The following SENP7 variants were observed in gnomAD, a reference collection of about 807,000 sequenced individuals.
SENP7 encodes sentrin-specific protease 7.
In SENP7, 64 loss-of-function variants were observed where a neutral mutation model predicts 141.2. The observed-to-expected ratio is 0.45, with a 90% CI of 0.37 to 0.56. SENP7 has a LOEUF of 0.56. Among genes scored for constraint, SENP7 ranks in the 20% least tolerant of loss-of-function variants. The probability of loss-of-function intolerance (pLI) is 0.00; values close to 1 mark genes in which losing one functional copy is unlikely to be tolerated. For synonymous variants in SENP7, 382 were observed against 426.4 expected, an observed-to-expected ratio of 0.90 and a Z score of 1.28; for missense variants, 1,025 against 1,212.2, an observed-to-expected ratio of 0.85 and a Z score of 2.29.
intron 10 of SENP7, among the ~76,000 whole-genome samples, chr3:101,364,072 A>C (rs1280070360): frequency 6.6e-6 from 1 of 152,118 alleles, no homozygotes; most frequent in Non-Finnish European, 1.5e-5. Context: ...TATATATTTT[A>C]AAAACATTAG....
At chr3:101,496,135 C>T (rs942372857) in intron 2 of SENP7, among the ~76,000 whole-genome samples, 2 of 152,174 alleles carry the variant, frequency 1.3e-5, no homozygotes, top group African/African-American at 4.8e-5. Flanking sequence ...GAAGGATACA[C>T]ACCAAAGTAT....
At chr3:101,495,968 G>A (rs183705519) in intron 2 of SENP7, among the ~76,000 whole-genome samples, 1 of 152,252 alleles carries the variant, frequency 6.6e-6, no homozygotes, top group East Asian at 1.9e-4. Flanking sequence ...AATACATGTT[G>A]AATACCCAAT....
rs572089402 is a variant in SENP7 at position 101,497,834 on chromosome 3, A to C, written c.90+3236T>G. 2.6e-5 allele frequency among the ~76,000 whole-genome samples: 4 copies of C among 152,286 alleles called. No homozygotes were observed. The South Asian group carries it at 8.3e-4, about 32-fold the overall frequency. On this transcript the variant is annotated intron_variant, in intron 2 of 23. Transcript: ENST00000394095. Reference sequence around the variant, plus strand: ...TTTTATTTTTTAGAGACAGTGTCTCACTCTGTTATCCAGGCTGGAATGCAG... The same window carrying C: ...TTTTATTTTTTAGAGACAGTGTCTCCCTCTGTTATCCAGGCTGGAATGCAG...
At chr3:101,379,966 A>C (rs2049106) in intron 6 of SENP7, among the ~76,000 whole-genome samples, 60,313 of 151,998 alleles carry the variant, frequency 0.4, 12,482 homozygotes, top group Admixed American at 0.54. Flanking sequence ...TAGTTGATAC[A>C]TAAAATGGAA....
Position 101,351,626 on chromosome 3 carries a change from G to C in SENP7, c.1649C>G (p.Pro550Arg). 7.4e-7 allele frequency: 1 copy of C among 1,354,682 alleles called. No individual in the cohort carries two copies. The highest frequency in any genetic ancestry group is 9.7e-7 in the Non-Finnish European group (1 of 1,031,126). The allele number at this position is 1,354,682 out of a possible 1,614,324, so 83.9% of individuals were successfully genotyped here. Reference protein sequence around the residue: ...VTITKKYIKIPFQVSLNEISL... With the variant: ...VTITKKYIKIRFQVSLNEISL... ...AGAGAATGATAACTTACCTTGAAAT[G>C]GGATCTTAATATATTTTTTTGTGAT... Residue 550 changes from proline (P) to arginine (R), a missense_variant, in exon 12 of 24, where the codon CCA (proline) becomes CGA (arginine). Coordinates refer to ENST00000394095, the MANE Select transcript of SENP7 (RefSeq NM_020654.5).
chr3:101,466,117 C>T (rs1347964464), intron 3 of SENP7, among the ~76,000 whole-genome samples: 4 of 151,604 alleles, frequency 2.6e-5, no homozygotes, highest in South Asian at 4.2e-4. Context: ...ATGAAGAAAG[C>T]CTACATAACA....
chr3:101,458,892 G>T, intron 4 of SENP7, 63 bp downstream of exon 4: 3 of 975,766 alleles, frequency 3.1e-6, no homozygotes, highest in South Asian at 1.5e-5. Flanking sequence ...AAGCTTAAAT[G>T]AATCATTTAT....
At chr3:101,384,172 G>A (rs985587725) in intron 6 of SENP7, among the ~76,000 whole-genome samples, 6 of 152,238 alleles carry the variant, frequency 3.9e-5, no homozygotes, top group East Asian at 1.9e-4. Context: ...TCTCCTGAGA[G>A]CTGTACTGTC....
intron 5 of SENP7, among the ~76,000 whole-genome samples, chr3:101,400,836 T>G (rs903562543): frequency 1.3e-5 from 2 of 152,144 alleles, no homozygotes; most frequent in Non-Finnish European, 2.9e-5. Flanking sequence ...GGCTCACACC[T>G]GCAATCCCAG....
At chr3:101,374,059 AATTATAAAAATGT>A (rs1399299524) in intron 6 of SENP7, among the ~76,000 whole-genome samples, 1 of 152,210 alleles carries the variant, frequency 6.6e-6, no homozygotes, top group Non-Finnish European at 1.5e-5. Context: ...TATACTTTAA[AATTATAAAAATGT>A]ATTAAAATAG....
At chr3:101,347,837 GT>G in intron 13 of SENP7, 34 bp downstream of exon 13, 1 of 1,100,956 alleles carries the variant, frequency 9.1e-7, no homozygotes, top group Non-Finnish European at 1.2e-6. Flanking sequence ...ACAATTTCAA[GT>G]TATCCTGAAA....
intron 5 of SENP7, among the ~76,000 whole-genome samples, chr3:101,402,001 CAAAA>C (rs35310049): frequency 3.7e-5 from 4 of 108,790 alleles, no homozygotes; most frequent in Admixed American, 2.7e-4. Context: ...GACCCTGCCT[CAAAA>C]AAAAAAAAAA....
chr3:101,476,063 A>G (rs1482704086), intron 3 of SENP7, among the ~76,000 whole-genome samples: 1 of 152,128 alleles, frequency 6.6e-6, no homozygotes, highest in Non-Finnish European at 1.5e-5. Context: ...CACAAAGAAC[A>G]TTCTCCATAT....
At chr3:101,493,809 T>C (rs1431848438) in intron 3 of SENP7, 64 bp downstream of exon 3, 3 of 973,436 alleles carry the variant, frequency 3.1e-6, no homozygotes, top group African/African-American at 1.6e-5. Context: ...TTCAGTTTTA[T>C]TACAATATTT....
At chr3:101,379,587 A>G (rs188540420) in intron 6 of SENP7, among the ~76,000 whole-genome samples, 1 of 152,338 alleles carries the variant, frequency 6.6e-6, no homozygotes, top group East Asian at 1.9e-4. Context: ...GATGTTCAAT[A>G]TCACTATTCA....
chr3:101,419,237 G>A (rs2061713839), intron 4 of SENP7, among the ~76,000 whole-genome samples: 1 of 152,202 alleles, frequency 6.6e-6, no homozygotes, highest in East Asian at 1.9e-4. Context: ...GGACTTACCT[G>A]ACTCATGTAC....
At chr3:101,420,868 G>A (rs2061771963) in intron 4 of SENP7, among the ~76,000 whole-genome samples, 1 of 152,150 alleles carries the variant, frequency 6.6e-6, no homozygotes, top group African/African-American at 2.4e-5. Flanking sequence ...AAGGGAAAGG[G>A]CAGAGCAGGT....
intron 3 of SENP7, among the ~76,000 whole-genome samples, chr3:101,468,427 T>C (rs554997522): frequency 6.6e-6 from 1 of 152,010 alleles, no homozygotes; most frequent in African/African-American, 2.4e-5. Flanking sequence ...AAGGCTGAAA[T>C]GAAGGGAAAA....
chr3:101,341,959 T>C (rs2059338006), intron 14 of SENP7, among the ~76,000 whole-genome samples, 180 bp from the exon 15 acceptor site: 1 of 152,204 alleles, frequency 6.6e-6, no homozygotes, highest in Non-Finnish European at 1.5e-5. Flanking sequence ...AAAGATATTG[T>C]ATAAACAATG....
Sources: gnomAD v4.1 joint callset for allele counts (sites outside exome capture counted in the v4.1 genomes callset) on GRCh38, gnomAD v4.1.1 for gene constraint, MANE v1.5 for transcripts, NCBI Gene and HGNC (gene_info 2026-07-23, HGNC 2026-07-21) for gene names.